The following RIC1 variants were observed in gnomAD, a reference collection of about 807,000 sequenced individuals.
The protein encoded by RIC1 is RIC1 partner of RAB6A GEF complex, also known as guanine nucleotide exchange factor subunit RIC1.
Under a neutral mutation model 169.0 loss-of-function variants are expected in RIC1, and 88 were observed. The ratio of observed to expected loss-of-function variants is 0.52; its 90% CI spans 0.44 to 0.62. RIC1 has a LOEUF of 0.62. RIC1 is among the 20% of genes least tolerant of loss of function. The pLI is 0.00. For synonymous variants in RIC1, 790 were observed against 601.5 expected, an observed-to-expected ratio of 1.31 and a Z score of -4.59; for missense variants, 1,877 against 1,725.5, an observed-to-expected ratio of 1.09 and a Z score of -1.56.
chr9:5,631,384 G>A (rs554931300), intron 1 of RIC1, among the ~76,000 whole-genome samples: 2 of 152,222 alleles, frequency 1.3e-5, no homozygotes, highest in East Asian at 1.9e-4. Context: ...TACCTTAGAG[G>A]AGGCTGTATA....
intron 1 of RIC1, among the ~76,000 whole-genome samples, chr9:5,630,777 CAT>C (rs1465058422): frequency 2.0e-5 from 3 of 152,192 alleles, no homozygotes; most frequent in Non-Finnish European, 4.4e-5. Flanking sequence ...TATATATAAA[CAT>C]ATGTGTAAAT....
At chr9:5,766,425 G>T (rs1485214995) in intron 21 of RIC1, among the ~76,000 whole-genome samples, 1 of 152,050 alleles carries the variant, frequency 6.6e-6, no homozygotes, top group Non-Finnish European at 1.5e-5. Flanking sequence ...GTGGTGATTT[G>T]TGAGATTTTG....
At chr9:5,677,368 A>G (rs1356346679) in intron 2 of RIC1, among the ~76,000 whole-genome samples, 1 of 152,030 alleles carries the variant, frequency 6.6e-6, no homozygotes, top group African/African-American at 2.4e-5. Context: ...ATTTTTTTAG[A>G]TGGGATCCTT....
At chr9:5,700,385 A>C (rs1187744386) in intron 3 of RIC1, among the ~76,000 whole-genome samples, 1 of 152,120 alleles carries the variant, frequency 6.6e-6, no homozygotes, top group African/African-American at 2.4e-5. Flanking sequence ...AAAGTAAAAA[A>C]TCTGAATATT....
chr9:5,662,027 G>C (rs1051007402), intron 2 of RIC1, among the ~76,000 whole-genome samples: 2 of 152,110 alleles, frequency 1.3e-5, no homozygotes, highest in Non-Finnish European at 2.9e-5. Context: ...TTTATTGAGA[G>C]TTTTTAACCT....
At chr9:5,762,740 A>T in intron 18 of RIC1, 80 bp downstream of exon 18, 1 of 1,492,286 alleles carries the variant, frequency 6.7e-7, no homozygotes, top group African/African-American at 1.4e-5. Context: ...AATTTAAGAG[A>T]AGAGTATTTT....
At chr9:5,726,388 T>C (rs1012012475) in intron 6 of RIC1, among the ~76,000 whole-genome samples, 13 of 152,200 alleles carry the variant, frequency 8.5e-5, no homozygotes, top group African/African-American at 3.1e-4. Flanking sequence ...CTGCTTTTTT[T>C]TGTTTTCCAT....
At chr9:5,768,904 C>G in intron 21 of RIC1, 66 bp from the exon 22 acceptor site, 2 of 1,495,976 alleles carry the variant, frequency 1.3e-6, no homozygotes, top group South Asian at 2.6e-5. Context: ...AGTACCTCTG[C>G]GTAATAAGGA....
chr9:5,767,774 A>G (rs1826893787), intron 21 of RIC1, among the ~76,000 whole-genome samples: 1 of 151,330 alleles, frequency 6.6e-6, no homozygotes, highest in Non-Finnish European at 1.5e-5. Flanking sequence ...TTTAGTAGAG[A>G]CGGGGTTTCT....
At chr9:5,704,530 GGTTT>G (rs1439476113) in intron 3 of RIC1, among the ~76,000 whole-genome samples, 2 of 151,734 alleles carry the variant, frequency 1.3e-5, no homozygotes, top group African/African-American at 2.4e-5. Context: ...CTTTTTAATT[GGTTT>G]GTTTATCTTT....
intron 2 of RIC1, among the ~76,000 whole-genome samples, chr9:5,665,083 A>C (rs1819672865): frequency 6.6e-6 from 1 of 150,850 alleles, no homozygotes; most frequent in Admixed American, 6.6e-5. Context: ...TGCTTTGTGA[A>C]TCTGGGTGTT....
rs115327909 is a variant in RIC1, at chr9:5,660,262, A to G, written c.252+3572A>G. Among the ~76,000 whole-genome samples, 190 of 152,006 alleles carry G rather than the reference A, an allele frequency of 1.2e-3. 3 individuals are homozygous for G. Among genetic ancestry groups the G allele is most frequent in the African/African-American group, 4.5e-3 (185 of 41,470 alleles). On this transcript the variant is annotated intron_variant, in intron 2 of 25. Transcript: ENST00000414202. ...CTTTTATTCAGTCTATCATCGGGGG[A>G]CATTCAGGTTGATTCCATGTCTTTG...
In RIC1 at chr9:5,763,148, C is replaced by T; in HGVS notation, c.2121C>T (p.Phe707=). The stretch of plus-strand genomic sequence containing the variant: ...TGTCTCTCCTTCTCCAGCTGCCATT[C>T]TGTCCTCCTGTTGTACTAGCCCAGT... The part of the protein sequence containing the change: ...NPNNQRKLLP[F]CPPVVLAQSV... The change falls in exon 19 of 26, where the codon TTC becomes TTT. Residue 707 remains phenylalanine (F), a synonymous_variant. Coordinates refer to ENST00000414202, the MANE Select transcript of RIC1 (RefSeq NM_020829.4). The surrounding 1 kb of genome is among the most constrained non-coding windows in gnomAD (Gnocchi z 5.2). 1 of 1,612,442 alleles carries T rather than the reference C, an allele frequency of 6.2e-7. No individual in the cohort carries two copies. The highest frequency in any genetic ancestry group is 8.5e-7 in the Non-Finnish European group (1 of 1,178,648).
At chr9:5,658,891 A>G (rs1393073984) in intron 2 of RIC1, among the ~76,000 whole-genome samples, 1 of 151,018 alleles carries the variant, frequency 6.6e-6, no homozygotes, top group African/African-American at 2.4e-5. Context: ...TCTACCACTT[A>G]ACAGACACTA....
intron 6 of RIC1, among the ~76,000 whole-genome samples, chr9:5,726,659 T>C (rs1427191222): frequency 6.6e-6 from 1 of 152,270 alleles, no homozygotes; most frequent in Non-Finnish European, 1.5e-5. Context: ...CGATGGTCTT[T>C]ACAATTTGGC....
At position 5,762,612 on chromosome 9, in the gene RIC1, C is replaced by G; in HGVS notation, c.2064C>G (p.Gly688=). ...TCATGATGCAGAGGGACAGGTCAGGCCCACAGATCCGGGAGAAGGACAGTA... is the reference window on the plus strand; with the variant it reads ...TCATGATGCAGAGGGACAGGTCAGGGCCACAGATCCGGGAGAAGGACAGTA... The part of the protein sequence containing the change: ...QLIMMQRDRS[G]PQIREKDSNP... Residue 688 remains glycine, a synonymous_variant, in exon 18 of 26, where the codon GGC becomes GGG. Transcript: ENST00000414202. 1 of 1,613,974 alleles carries G rather than the reference C, an allele frequency of 6.2e-7. No individual in the cohort carries two copies. Among genetic ancestry groups the G allele is most frequent in the Non-Finnish European group, 8.5e-7 (1 of 1,179,918 alleles).
At chr9:5,701,365 C>A (rs1258494016) in intron 3 of RIC1, among the ~76,000 whole-genome samples, 1 of 152,188 alleles carries the variant, frequency 6.6e-6, no homozygotes, top group East Asian at 1.9e-4. Flanking sequence ...AATCTCAGCA[C>A]TTTGGGAGGC....
intron 3 of RIC1, among the ~76,000 whole-genome samples, chr9:5,695,038 G>A (rs888962993): frequency 2.0e-5 from 3 of 152,148 alleles, no homozygotes; most frequent in Admixed American, 2.0e-4. Context: ...TACATTATGA[G>A]TTAGGTGATC....
chr9:5,757,514 AT>A, intron 17 of RIC1, 63 bp downstream of exon 17: 1 of 1,544,500 alleles, frequency 6.5e-7, no homozygotes, highest in Non-Finnish European at 8.9e-7. Context: ...TTGAGTCCAT[AT>A]TAGGAAGTAT....
Sources: allele counts gnomAD v4.1 joint callset (sites outside exome capture counted in the v4.1 genomes callset), GRCh38; gene constraint gnomAD v4.1.1; non-coding constraint Gnocchi (gnomAD v3.1); transcripts MANE v1.5; gene names NCBI Gene and HGNC (gene_info 2026-07-23, HGNC 2026-07-21).